Variants in SCOC observed in about 807,000 individuals in gnomAD.
The protein encoded by SCOC is short coiled-coil protein, also known as short coiled coil protein.
Under a neutral mutation model 9.9 loss-of-function variants are expected in SCOC, and 7 were observed. The observed-to-expected ratio is 0.71, with a 90% confidence interval of 0.40 to 1.33. SCOC has a LOEUF of 1.33. Among genes scored for constraint, SCOC ranks in the 40% most tolerant of loss-of-function variants. The pLI is 0.01. For missense variants in SCOC, 66 were observed against 89.7 expected (o/e 0.74, Z 1.07); for synonymous variants, 19 against 28.2 (o/e 0.67, Z 1.03).
intron 2 of SCOC, among the ~76,000 whole-genome samples, chr4:140,352,139 C>T (rs1013439203): frequency 5.3e-5 from 8 of 152,160 alleles, no homozygotes; most frequent in African/African-American, 1.7e-4. Flanking sequence ...GCCACCAGTG[C>T]CATTTCTCTT....
intron 1 of SCOC, among the ~76,000 whole-genome samples, chr4:140,377,390 G>A (rs1728388239): frequency 6.6e-6 from 1 of 152,224 alleles, no homozygotes; most frequent in Admixed American, 6.5e-5. Context: ...CAGAGAACCT[G>A]AGAATTAAAT....
At chr4:140,302,091 C>T (rs539231579) in intron 1 of SCOC, among the ~76,000 whole-genome samples, 14 of 152,324 alleles carry the variant, frequency 9.2e-5, no homozygotes, top group Non-Finnish European at 1.9e-4. Context: ...CCCTGGGCCT[C>T]CCAAGGTGCT....
chr4:140,326,170 G>T (rs902980841), intron 1 of SCOC, among the ~76,000 whole-genome samples: 9 of 152,142 alleles, frequency 5.9e-5, no homozygotes, highest in African/African-American at 2.2e-4. Flanking sequence ...TGGTTAGCAG[G>T]GTTGAGGGAA....
At chr4:140,343,604 A>T (rs764519854) in intron 1 of SCOC, 1 of 1,578,440 alleles carries the variant, frequency 6.3e-7, no homozygotes, top group Non-Finnish European at 8.7e-7. Flanking sequence ...CTCTGCCCTC[A>T]TTTTTCTTAC....
At chr4:140,375,489 T>A (rs1398912549) in intron 1 of SCOC, among the ~76,000 whole-genome samples, 1 of 152,210 alleles carries the variant, frequency 6.6e-6, no homozygotes, top group East Asian at 1.9e-4. Context: ...CCAGGTAATC[T>A]GAATCCATAT....
intron 2 of SCOC, among the ~76,000 whole-genome samples, chr4:140,354,126 G>C (rs774725388): frequency 6.6e-6 from 1 of 152,050 alleles, no homozygotes; most frequent in Non-Finnish European, 1.5e-5. Context: ...TTGTTCCTCC[G>C]TGTGAATATT....
chr4:140,293,227 A>G, intron 1 of SCOC: 1 of 442,184 alleles, frequency 2.3e-6, no homozygotes, highest in South Asian at 1.6e-5. Context: ...CTGGGCTGCC[A>G]CTAGGTGCCA....
chr4:140,357,051 C>G (rs1311093045), intron 2 of SCOC, among the ~76,000 whole-genome samples: 3 of 152,098 alleles, frequency 2.0e-5, no homozygotes, highest in Non-Finnish European at 4.4e-5. Flanking sequence ...CTCACTGCAA[C>G]CTTCGCCTCC....
Position 140,298,778 on chromosome 4 carries a change from A to G in SCOC, c.-19+41368A>G, listed in dbSNP as rs149068878. Among the ~76,000 whole-genome samples the G allele has an allele frequency of 1.2e-3, 189 of 152,338 alleles. 1 individual carries two copies. Among genetic ancestry groups the G allele is most frequent in the African/African-American group, 4.3e-3 (180 of 41,570 alleles). ...AAGGGATGGAAGATAAAAGGTGGAC[A>G]AGAACTGATTTCTTAAAATTTTAAT... On this transcript the variant is annotated intron_variant, in intron 1 of 4. Coordinates refer to the SCOC transcript ENST00000394205.
intron 1 of SCOC, among the ~76,000 whole-genome samples, chr4:140,334,927 C>A (rs6819763): frequency 0.032 from 4,892 of 152,102 alleles, 274 homozygotes; most frequent in African/African-American, 0.11. Flanking sequence ...CATGACAAAA[C>A]CCTGTCTCAA....
intron 1 of SCOC, among the ~76,000 whole-genome samples, chr4:140,277,419 A>G (rs909765055): frequency 1.4e-4 from 21 of 152,212 alleles, no homozygotes; most frequent in Admixed American, 7.8e-4. Flanking sequence ...AACTCTAAGA[A>G]TTTTCCTATT....
intron 1 of SCOC, among the ~76,000 whole-genome samples, chr4:140,303,923 A>T (rs892809107): frequency 5.9e-5 from 9 of 152,222 alleles, no homozygotes; most frequent in African/African-American, 1.7e-4. Context: ...TGCTCATTTA[A>T]TCATTTATTC....
At chr4:140,276,578 C>T (rs1305640080) in intron 1 of SCOC, among the ~76,000 whole-genome samples, 2 of 152,072 alleles carry the variant, frequency 1.3e-5, no homozygotes, top group Non-Finnish European at 2.9e-5. Flanking sequence ...GCGTCAGCCT[C>T]CTAACTAGCT....
chr4:140,353,643 C>T (rs1727079493), intron 2 of SCOC, among the ~76,000 whole-genome samples: 1 of 152,160 alleles, frequency 6.6e-6, no homozygotes, highest in Non-Finnish European at 1.5e-5. Context: ...CATGATCTGC[C>T]CGCCTTGGCC....
chr4:140,267,723 C>T (rs1196937560), intron 1 of SCOC, among the ~76,000 whole-genome samples: 1 of 152,170 alleles, frequency 6.6e-6, no homozygotes, highest in East Asian at 1.9e-4. Flanking sequence ...CGGGAACCCC[C>T]TCCTCCCTTT....
chr4:140,268,626 C>T (rs1470111425), intron 1 of SCOC, among the ~76,000 whole-genome samples: 1 of 152,122 alleles, frequency 6.6e-6, no homozygotes, highest in Non-Finnish European at 1.5e-5. Flanking sequence ...TCATTTAGTT[C>T]CTGCTGACAT....
intron 2 of SCOC, among the ~76,000 whole-genome samples, chr4:140,355,615 C>A (rs1402137257): frequency 1.3e-5 from 2 of 152,068 alleles, no homozygotes; most frequent in African/African-American, 4.8e-5. Context: ...ATTGCAGGTA[C>A]TGAATAATGA....
chr4:140,262,311 T>C (rs1384179834), intron 1 of SCOC, among the ~76,000 whole-genome samples: 1 of 152,210 alleles, frequency 6.6e-6, no homozygotes, highest in Non-Finnish European at 1.5e-5. Flanking sequence ...TGGGCACCTT[T>C]GTTTGCTGAA....
rs181277725 is a variant in SCOC, at chr4:140,301,266, G to A, written c.-18-42355G>A. On this transcript the variant is annotated intron_variant, in intron 1 of 4. Transcript: ENST00000394205. ...CTTCTAGTAAGTTCTAAACCAGTAAGGTGTTAGATTTTCTGTTCCGGGGTC... is the reference window on the plus strand; with the variant it reads ...CTTCTAGTAAGTTCTAAACCAGTAAAGTGTTAGATTTTCTGTTCCGGGGTC... Among the ~76,000 whole-genome samples the A allele has an allele frequency of 3.7e-4, 56 of 152,240 alleles. No individual in the cohort carries two copies. In the East Asian group the frequency reaches 6.8e-3, roughly 18 times the overall value.
Sources: gnomAD v4.1 joint callset for allele counts (sites outside exome capture counted in the v4.1 genomes callset) on GRCh38, gnomAD v4.1.1 for gene constraint, MANE v1.5 for transcripts, NCBI Gene and HGNC (gene_info 2026-07-23, HGNC 2026-07-21) for gene names.